The following MTMR10 variants were observed in gnomAD, a reference collection of about 807,000 sequenced individuals.
The protein encoded by MTMR10 is myotubularin-related protein 10.
MTMR10 carries 56 observed loss-of-function variants against 88.1 expected under a neutral mutation model. The observed-to-expected ratio is 0.64, with a 90% confidence interval of 0.51 to 0.79. The LOEUF is 0.79. MTMR10 is among the 30% of genes least tolerant of loss of function. The pLI, the probability that MTMR10 is intolerant of heterozygous loss-of-function variation, is 0.00. For synonymous variants in MTMR10, 380 were observed against 340.9 expected (o/e 1.11, Z -1.26); for missense variants, 883 against 924.7 (o/e 0.95, Z 0.58).
chr15:30,948,921 G>C (rs2063207206), intron 12 of MTMR10: 1 of 158,390 alleles, frequency 6.3e-6, no homozygotes, highest in African/African-American at 2.4e-5. Flanking sequence ...TATAGTTGTT[G>C]TCCTTTCCAA....
Position 30,947,203 on chromosome 15 carries a change from T to TA in MTMR10, c.1474dup (p.Tyr492LeufsTer2). The stretch of plus-strand genomic sequence containing the variant: ...AAACAGTGAGATCCGGGTGCTGTCA[T>TA]ACAACACTGCCAGGTAGGTTTCGGA... On this transcript the variant is annotated frameshift_variant, in exon 14 of 16. Transcript: ENST00000435680. LOFTEE classifies it high-confidence loss of function. 6.2e-7 allele frequency: 1 copy of TA among 1,614,004 alleles called. No homozygotes were observed. The highest frequency in any genetic ancestry group is 8.5e-7 in the Non-Finnish European group (1 of 1,179,900).
At chr15:30,929,958 CATATA>C in the MTMR10 span, among the ~76,000 whole-genome samples, 22 of 100,734 alleles carry the variant, frequency 2.2e-4, no homozygotes, top group Non-Finnish European at 3.4e-4. Context: ...TAATATATAT[CATATA>C]ATATATAAAA....
chr15:30,957,187 A>G (rs1235406786), intron 9 of MTMR10, among the ~76,000 whole-genome samples: 1 of 152,092 alleles, frequency 6.6e-6, no homozygotes, highest in African/African-American at 2.4e-5. Flanking sequence ...AGTATTGAAT[A>G]AATATCATAT....
chr15:30,930,410 G>A, the MTMR10 span: 9 of 1,015,984 alleles, frequency 8.9e-6, no homozygotes, highest in Middle Eastern at 2.5e-4. Context: ...GCAGAACAGC[G>A]CATGGTGGGC....
chr15:30,936,212 A>G (rs987972147), downstream of MTMR10, among the ~76,000 whole-genome samples: 1 of 152,188 alleles, frequency 6.6e-6, no homozygotes, highest in Non-Finnish European at 1.5e-5. Flanking sequence ...TTTTTATCTT[A>G]TGAATGCCAT....
At chr15:30,928,699 C>G in the MTMR10 span, 15 of 1,612,158 alleles carry the variant, frequency 9.3e-6, no homozygotes, top group Non-Finnish European at 1.3e-5. Context: ...CTTCTGCACA[C>G]ATCCGTGGCT....
intron 6 of MTMR10, among the ~76,000 whole-genome samples, chr15:30,967,405 T>C (rs897854719): frequency 1.3e-5 from 2 of 152,210 alleles, no homozygotes; most frequent in Non-Finnish European, 2.9e-5. Context: ...TAGAATATAC[T>C]TGTCCTTGGA....
chr15:30,924,139 G>A, the MTMR10 span, among the ~76,000 whole-genome samples: 1 of 152,198 alleles, frequency 6.6e-6, no homozygotes. Context: ...TCAGCATCAT[G>A]TTTCTGAGCT....
At chr15:30,928,306 A>T in the MTMR10 span, 1 of 1,286,542 alleles carries the variant, frequency 7.8e-7, no homozygotes, top group East Asian at 3.4e-5. Flanking sequence ...TGGCTTTGAA[A>T]TGTTCATTTG....
chr15:30,946,701 C>T (rs1396425627), intron 14 of MTMR10: 2 of 701,970 alleles, frequency 2.8e-6, no homozygotes, highest in East Asian at 5.4e-5. Context: ...AAATCCTCTA[C>T]ATCAATGAAT....
chr15:30,944,275 C>A (rs1369036395), intron 14 of MTMR10, among the ~76,000 whole-genome samples: 1 of 152,080 alleles, frequency 6.6e-6, no homozygotes, highest in East Asian at 1.9e-4. Flanking sequence ...ATACTCTTAA[C>A]AGTTTTGGCC....
chr15:30,949,143 G>A (rs35811129), intron 12 of MTMR10: 29,693 of 152,152 alleles, frequency 0.2, 3,922 homozygotes, highest in Non-Finnish European at 0.29. Flanking sequence ...CATTAGATGC[G>A]GAAAAAGCAT....
intron 7 of MTMR10, 81 bp from the exon 8 acceptor site, chr15:30,959,202 A>G: frequency 2.3e-6 from 3 of 1,288,160 alleles, no homozygotes; most frequent in East Asian, 2.5e-5. Flanking sequence ...TAAATAATTA[A>G]GCAAGTTGTC....
intron 5 of MTMR10, among the ~76,000 whole-genome samples, chr15:30,973,074 C>T (rs921788324): frequency 6.6e-6 from 1 of 152,126 alleles, no homozygotes; most frequent in Admixed American, 6.5e-5. Flanking sequence ...GAGGAATTAA[C>T]CTGTCTGAAA....
chr15:30,952,952 G>A (rs2063270982), intron 11 of MTMR10, among the ~76,000 whole-genome samples: 1 of 152,112 alleles, frequency 6.6e-6, no homozygotes, highest in Non-Finnish European at 1.5e-5. Context: ...ACCATGCTTG[G>A]CTAATTTTTG....
chr15:30,929,489 T>G, the MTMR10 span: 8 of 850,688 alleles, frequency 9.4e-6, no homozygotes, highest in African/African-American at 3.6e-5. Flanking sequence ...TACACATGTG[T>G]GTATATGTAA....
At chr15:30,967,254 G>T (rs7175242) in intron 6 of MTMR10, among the ~76,000 whole-genome samples, 2,067 of 152,152 alleles carry the variant, frequency 0.014, 35 homozygotes, top group African/African-American at 0.047. Flanking sequence ...TCTCTATCAA[G>T]ATATTTTTAA....
intron 2 of MTMR10, among the ~76,000 whole-genome samples, chr15:30,985,508 T>C (rs983580619): frequency 6.6e-6 from 1 of 152,264 alleles, no homozygotes; most frequent in Non-Finnish European, 1.5e-5. Flanking sequence ...CAGAGAACTC[T>C]GGCTCTGCCT....
At chr15:30,927,067 TTG>T in the MTMR10 span, 1 of 969,126 alleles carries the variant, frequency 1.0e-6, no homozygotes, top group Non-Finnish European at 1.2e-6. Context: ...ATCCCAGCAC[TTG>T]GGGAGGCTGA....
Sources: gnomAD v4.1 joint callset for allele counts (sites outside exome capture counted in the v4.1 genomes callset) on GRCh38, gnomAD v4.1.1 for gene constraint, MANE v1.5 for transcripts, NCBI Gene and HGNC (gene_info 2026-07-23, HGNC 2026-07-21) for gene names.